Variants in CDC42BPA observed in about 807,000 individuals in gnomAD.
The protein encoded by CDC42BPA is serine/threonine-protein kinase MRCK alpha.
In CDC42BPA, 80 loss-of-function variants were observed where a neutral mutation model predicts 223.5. The ratio of observed to expected loss-of-function variants is 0.36; its 90% CI spans 0.30 to 0.43. CDC42BPA has a LOEUF of 0.43. CDC42BPA is among the 20% of genes least tolerant of loss of function. The probability of loss-of-function intolerance (pLI) is 1.00; values close to 1 mark genes in which losing one functional copy is unlikely to be tolerated. For missense variants in CDC42BPA, 1,743 were observed against 2,099.9 expected (o/e 0.83, Z 3.32); for synonymous variants, 694 against 718.6 (o/e 0.97, Z 0.55).
intron 21 of CDC42BPA, among the ~76,000 whole-genome samples, chr1:227,057,503 T>C (rs996377661): frequency 1.1e-4 from 16 of 151,938 alleles, no homozygotes; most frequent in African/African-American, 3.9e-4. Context: ...AATACACTGA[T>C]GTCCCAGGGA....
intron 2 of CDC42BPA, among the ~76,000 whole-genome samples, chr1:227,224,914 T>C (rs920367843): frequency 1.3e-5 from 2 of 152,174 alleles, no homozygotes; most frequent in African/African-American, 2.4e-5. Context: ...CAAATACATA[T>C]TGAGCACCTA....
At chr1:227,188,724 A>G (rs1669235664) in intron 5 of CDC42BPA, among the ~76,000 whole-genome samples, 1 of 152,186 alleles carries the variant, frequency 6.6e-6, no homozygotes, top group Non-Finnish European at 1.5e-5. Flanking sequence ...TGGAACACAG[A>G]GCATTTTTAG....
intron 1 of CDC42BPA, among the ~76,000 whole-genome samples, chr1:227,284,496 T>A (rs888623603): frequency 3.9e-5 from 6 of 152,104 alleles, no homozygotes; most frequent in Non-Finnish European, 7.4e-5. Context: ...CCCACCACCA[T>A]CCCCAGGAGA....
chr1:227,213,911 A>C (rs1471407803), intron 2 of CDC42BPA, among the ~76,000 whole-genome samples: 2 of 152,210 alleles, frequency 1.3e-5, no homozygotes, highest in African/African-American at 4.8e-5. Context: ...AAATACAATA[A>C]ATAAAATCCC....
rs989315791 is a variant in CDC42BPA, at chr1:227,297,146, C to T, written c.178+19859G>A. On this transcript the variant is annotated intron_variant, in intron 1 of 36. Transcript: ENST00000366766. ...GCAAAGGGTTAATCAGACATTTCTC[C>T]AAAGAAGATATACAAATTGCCAATA... 9.9e-5 allele frequency among the ~76,000 whole-genome samples: 15 copies of T among 152,030 alleles called. No homozygotes were observed. In the East Asian group the frequency reaches 2.5e-3, roughly 25 times the overall value.
chr1:227,311,428 T>C (rs1693517915), intron 1 of CDC42BPA, among the ~76,000 whole-genome samples: 1 of 152,078 alleles, frequency 6.6e-6, no homozygotes, highest in Admixed American at 6.5e-5. Context: ...GAGCAACAAA[T>C]GATGAGAAAA....
At chr1:227,146,765 C>T (rs1305227269) in intron 7 of CDC42BPA, among the ~76,000 whole-genome samples, 3 of 152,052 alleles carry the variant, frequency 2.0e-5, no homozygotes, top group Non-Finnish European at 2.9e-5. Flanking sequence ...CTTTGTTCTA[C>T]TGAGAATGTC....
At chr1:227,041,587 T>C (rs1671384422) in intron 23 of CDC42BPA, among the ~76,000 whole-genome samples, 1 of 152,194 alleles carries the variant, frequency 6.6e-6, no homozygotes, top group Non-Finnish European at 1.5e-5. Flanking sequence ...AACTGGGATA[T>C]ATGATTTGTA....
intron 5 of CDC42BPA, among the ~76,000 whole-genome samples, chr1:227,185,609 A>G (rs971732838): frequency 6.6e-6 from 1 of 151,990 alleles, no homozygotes; most frequent in African/African-American, 2.4e-5. Flanking sequence ...GGTTGATACT[A>G]CCTGAAAGTG....
intron 3 of CDC42BPA, among the ~76,000 whole-genome samples, chr1:227,200,567 T>C (rs1323465541): frequency 1.3e-5 from 2 of 151,872 alleles, no homozygotes; most frequent in Admixed American, 1.3e-4. Flanking sequence ...TTCTTTTAAC[T>C]GCTATGGCGT....
chr1:227,030,532 C>G (rs1448672307), intron 28 of CDC42BPA, 62 bp from the exon 29 acceptor site: 1 of 975,866 alleles, frequency 1.0e-6, no homozygotes, highest in Admixed American at 2.4e-5. Context: ...TGCTAATAAA[C>G]CAGATGATAA....
intron 17 of CDC42BPA, among the ~76,000 whole-genome samples, chr1:227,079,104 G>A (rs968958254): frequency 1.1e-4 from 17 of 152,096 alleles, no homozygotes; most frequent in Admixed American, 6.6e-4. Context: ...CTTTGAAGTG[G>A]TAAGAAAGTT....
At chr1:227,245,899 G>A (rs1680860058) in intron 2 of CDC42BPA, among the ~76,000 whole-genome samples, 1 of 152,296 alleles carries the variant, frequency 6.6e-6, no homozygotes. Flanking sequence ...AGTTGTGGTG[G>A]CCACTGTGAA....
chr1:227,181,944 G>T (rs1293172330), intron 5 of CDC42BPA, among the ~76,000 whole-genome samples: 1 of 152,116 alleles, frequency 6.6e-6, no homozygotes, highest in Non-Finnish European at 1.5e-5. Flanking sequence ...CAGGACACTA[G>T]CATCCACAGG....
chr1:227,011,062 G>A, intron 34 of CDC42BPA: 1 of 1,322,706 alleles, frequency 7.6e-7, no homozygotes. Context: ...AGGGAAACCT[G>A]GCTATCAAAA....
intron 1 of CDC42BPA, among the ~76,000 whole-genome samples, chr1:227,291,909 G>C (rs572506584): frequency 5.9e-5 from 9 of 152,114 alleles, no homozygotes; most frequent in African/African-American, 2.2e-4. Context: ...AATAAATAAA[G>C]TACAATGTTC....
intron 1 of CDC42BPA, among the ~76,000 whole-genome samples, chr1:227,283,426 ATT>A (rs1688312647): frequency 6.6e-6 from 1 of 152,182 alleles, no homozygotes; most frequent in Admixed American, 6.5e-5. Context: ...AGTTTATAAA[ATT>A]TTATCATAAT....
intron 20 of CDC42BPA, among the ~76,000 whole-genome samples, chr1:227,071,949 T>A (rs1387238353): frequency 6.6e-6 from 1 of 151,762 alleles, no homozygotes; most frequent in Admixed American, 6.6e-5. Context: ...ACGTCAAATT[T>A]ATGGCAAAGT....
At chr1:227,029,338 CAG>C in intron 29 of CDC42BPA, 88 bp from the exon 30 acceptor site, 1 of 807,192 alleles carries the variant, frequency 1.2e-6, no homozygotes, top group Non-Finnish European at 1.9e-6. Context: ...AGTCAACTTA[CAG>C]ATGCACATAC....
Sources: gnomAD v4.1 joint callset for allele counts (sites outside exome capture counted in the v4.1 genomes callset) on GRCh38, gnomAD v4.1.1 for gene constraint, MANE v1.5 for transcripts, NCBI Gene and HGNC (gene_info 2026-07-23, HGNC 2026-07-21) for gene names.